Variants in PIEZO2 observed in about 807,000 individuals in gnomAD.
PIEZO2 encodes piezo type mechanosensitive ion channel component 2, also known as piezo-type mechanosensitive ion channel component 2.
In PIEZO2, 172 loss-of-function variants were observed where a neutral mutation model predicts 337.3. The ratio of observed to expected loss-of-function variants is 0.51; its 90% CI spans 0.45 to 0.58. The LOEUF is 0.58. Ranked by LOEUF, PIEZO2 falls within the 20% of genes least tolerant of loss-of-function variation. The pLI is 0.00. For synonymous variants in PIEZO2, 1,251 were observed against 1,228.5 expected (o/e 1.02, Z -0.38); for missense variants, 3,028 against 3,391.3 (o/e 0.89, Z 2.66).
At chr18:10,849,001 T>A (rs1212634155) in intron 7 of PIEZO2, among the ~76,000 whole-genome samples, 1 of 152,136 alleles carries the variant, frequency 6.6e-6, no homozygotes, top group Non-Finnish European at 1.5e-5. Context: ...TTTAGAAGAA[T>A]TCACCCAAGG....
In PIEZO2 at chr18:11,125,445, C is replaced by A. The variant is rs2040156718; in HGVS notation, c.64+23080G>T. Reference sequence around the variant, plus strand: ...GAGAAAGGAAACAAGTCATTCCTATCACATAAACAACTAGACCCCTCTGTT... The same window carrying A: ...GAGAAAGGAAACAAGTCATTCCTATAACATAAACAACTAGACCCCTCTGTT... On this transcript the variant is annotated intron_variant, in intron 1 of 55. Transcript: ENST00000674853. The surrounding 1 kb of genome is among the most constrained non-coding windows in gnomAD (Gnocchi z 4.4). 1.3e-5 allele frequency among the ~76,000 whole-genome samples: 2 copies of A among 152,194 alleles called. No homozygotes were observed. Among genetic ancestry groups the A allele is most frequent in the African/African-American group, 4.8e-5 (2 of 41,466 alleles).
At chr18:10,886,368 ATGTGTGTGTGTG>A (rs373877188) in intron 4 of PIEZO2, among the ~76,000 whole-genome samples, 9 of 7,578 alleles carry the variant, frequency 1.2e-3, no homozygotes, top group African/African-American at 5.4e-3. Context: ...ACACATATAT[ATGTGTGTGTGTG>A]TATATATATA....
intron 4 of PIEZO2, among the ~76,000 whole-genome samples, chr18:10,886,619 T>C (rs2042615859): frequency 6.7e-6 from 1 of 149,334 alleles, no homozygotes; most frequent in Non-Finnish European, 1.5e-5. Flanking sequence ...TTACAGTAAT[T>C]ATAATATTAT....
chr18:10,715,245 A>C (rs1432567198), intron 38 of PIEZO2, among the ~76,000 whole-genome samples: 3 of 152,190 alleles, frequency 2.0e-5, no homozygotes, highest in Non-Finnish European at 2.9e-5. Context: ...CCTACTTTTT[A>C]TTATAAAAAA....
intron 2 of PIEZO2, among the ~76,000 whole-genome samples, chr18:10,990,176 T>C (rs1040340057): frequency 6.6e-6 from 1 of 152,118 alleles, no homozygotes; most frequent in African/African-American, 2.4e-5. Flanking sequence ...TATGTTAAAA[T>C]GGTAAGAAAC....
At chr18:11,095,441 T>A (rs549871931) in intron 1 of PIEZO2, among the ~76,000 whole-genome samples, 1 of 152,312 alleles carries the variant, frequency 6.6e-6, no homozygotes, top group Admixed American at 6.5e-5. Context: ...ATTTGCAACG[T>A]GAAGCGAGTT....
At chr18:10,675,369 A>T in intron 53 of PIEZO2, 81 bp from the exon 54 acceptor site, 1 of 771,300 alleles carries the variant, frequency 1.3e-6, no homozygotes, top group Non-Finnish European at 2.0e-6. Context: ...GTTATTGTTG[A>T]CCTTGTATCA....
chr18:11,022,824 C>T (rs973144155), intron 2 of PIEZO2, among the ~76,000 whole-genome samples: 6 of 152,234 alleles, frequency 3.9e-5, no homozygotes, highest in East Asian at 3.9e-4. Flanking sequence ...AATGAAGTCG[C>T]GGACCCTCGA....
rs552790391 is a variant in PIEZO2 at position 10,795,057 on chromosome 18, C to T, written c.1528-55G>A. On this transcript the variant is annotated intron_variant, in intron 12 of 55. Coordinates refer to ENST00000674853, the MANE Select transcript of PIEZO2 (RefSeq NM_001378183.1). The surrounding 1 kb of genome is among the most constrained non-coding windows in gnomAD (Gnocchi z 4.4). ...ATGGTCAATACAATGCTCAGTCCCC[C>T]CCGCCCTGGTAAGGTAAAAACTATC... is the stretch of plus-strand genomic sequence containing the variant. 2.9e-6 allele frequency: 4 copies of T among 1,392,964 alleles called. No homozygotes were observed. Among genetic ancestry groups the T allele is most frequent in the Non-Finnish European group, 3.0e-6 (3 of 1,016,168 alleles). 86.3% of individuals were successfully genotyped at this position (1,392,964 alleles called of 1,614,324 possible). A position where few individuals can be genotyped will look rare whatever the true frequency, so the allele number is the denominator to read the frequency against.
chr18:10,880,846 CATAT>C (rs56271617), intron 4 of PIEZO2, among the ~76,000 whole-genome samples: 802 of 67,162 alleles, frequency 0.012, 9 homozygotes, highest in Non-Finnish European at 0.013. Flanking sequence ...TCCCACATAT[CATAT>C]ATATATATAT....
intron 4 of PIEZO2, among the ~76,000 whole-genome samples, chr18:10,902,560 C>T (rs1278865994): frequency 6.6e-6 from 1 of 152,094 alleles, no homozygotes; most frequent in Non-Finnish European, 1.5e-5. Flanking sequence ...ACATGACACC[C>T]CTCCTCCCAA....
At chr18:10,674,487 C>T (rs2143410230) in intron 54 of PIEZO2, among the ~76,000 whole-genome samples, 1 of 152,392 alleles carries the variant, frequency 6.6e-6, no homozygotes, top group East Asian at 1.9e-4. Context: ...TCCATTGGGC[C>T]TCTACTAGGC....
intron 1 of PIEZO2, among the ~76,000 whole-genome samples, chr18:11,138,271 G>C (rs2040545004): frequency 6.6e-6 from 1 of 152,148 alleles, no homozygotes; most frequent in Non-Finnish European, 1.5e-5. Context: ...AAAAGATATA[G>C]TGTTTTTTTT....
intron 18 of PIEZO2, among the ~76,000 whole-genome samples, chr18:10,778,852 C>A (rs1185917643): frequency 1.3e-5 from 2 of 152,154 alleles, no homozygotes; most frequent in African/African-American, 4.8e-5. Context: ...AAAAGTCATA[C>A]GAGTTGCTGC....
At position 10,916,617 on chromosome 18, in the gene PIEZO2, C is replaced by T. The variant is rs77370957; in HGVS notation, c.287-5389G>A. On this transcript the variant is annotated intron_variant, in intron 3 of 55. Transcript: ENST00000674853. ...GGCCGCGCCCATCTAGAACTCGCGTCGGCCGGCGAGTGCAAGCAAAGTCCC... is the reference window on the plus strand; with the variant it reads ...GGCCGCGCCCATCTAGAACTCGCGTTGGCCGGCGAGTGCAAGCAAAGTCCC... Among the ~76,000 whole-genome samples the T allele has an allele frequency of 2.1e-3, 318 of 152,264 alleles. 1 individual carries two copies. Among genetic ancestry groups the T allele is most frequent in the African/African-American group, 7.3e-3 (305 of 41,584 alleles).
chr18:11,142,410 G>A (rs142493264), intron 1 of PIEZO2, among the ~76,000 whole-genome samples: 2 of 152,234 alleles, frequency 1.3e-5, no homozygotes, highest in African/African-American at 2.4e-5. Context: ...ATTTTGCCAC[G>A]TCCTAGACAG....
Position 10,682,102 on chromosome 18 carries a change from A to G in PIEZO2, c.7686+2T>C, listed in dbSNP as rs2034292669. ...GGTAGGTGGGGTGTGCACAGAGATC[A>G]CCTGATACCCTCCCAGGGTAATTGT... On this transcript the variant is annotated splice_donor_variant, in intron 50 of 55. Transcript: ENST00000674853. LOFTEE classifies it high-confidence loss of function. This position sits in a 1 kb window ranked among gnomAD's most constrained non-coding sequence, Gnocchi z 5.6. 1 of 1,534,508 alleles carries G rather than the reference A, an allele frequency of 6.5e-7. No individual in the cohort carries two copies. Among genetic ancestry groups the G allele is most frequent in the Non-Finnish European group, 8.7e-7 (1 of 1,145,454 alleles).
intron 40 of PIEZO2, among the ~76,000 whole-genome samples, chr18:10,706,512 C>G (rs903868371): frequency 6.6e-6 from 1 of 152,186 alleles, no homozygotes; most frequent in Non-Finnish European, 1.5e-5. Context: ...GGGTGCGCTT[C>G]TGTTCTCTCC....
intron 7 of PIEZO2, among the ~76,000 whole-genome samples, chr18:10,849,782 T>C (rs2041485134): frequency 2.0e-5 from 3 of 152,252 alleles, no homozygotes; most frequent in African/African-American, 7.2e-5. Flanking sequence ...AAGAAATTAC[T>C]TTGCATTAGC....
Sources: gnomAD v4.1 joint callset for allele counts (sites outside exome capture counted in the v4.1 genomes callset) on GRCh38, gnomAD v4.1.1 for gene constraint, Gnocchi (gnomAD v3.1) non-coding constraint, MANE v1.5 for transcripts, NCBI Gene and HGNC (gene_info 2026-07-23, HGNC 2026-07-21) for gene names.